Variants in MEGF11 observed in about 807,000 individuals in gnomAD.
MEGF11 encodes multiple epidermal growth factor-like domains protein 11.
Under a neutral mutation model 146.6 loss-of-function variants are expected in MEGF11, and 126 were observed. The ratio of observed to expected loss-of-function variants is 0.86; its 90% CI spans 0.74 to 1.00. MEGF11 has a LOEUF of 1.00. MEGF11 is among the 50% of genes least tolerant of loss of function. The pLI is 0.00. For missense variants in MEGF11, 1,509 were observed against 1,521.2 expected (o/e 0.99, Z 0.13); for synonymous variants, 532 against 583.4 (o/e 0.91, Z 1.27).
At chr15:66,182,347 G>A (rs2090572371) in intron 1 of MEGF11, among the ~76,000 whole-genome samples, 1 of 152,136 alleles carries the variant, frequency 6.6e-6, no homozygotes, top group African/African-American at 2.4e-5. Context: ...TTTGATCCTC[G>A]GGGCCCACAC....
At chr15:66,247,690 A>C (rs1261414160) in intron 1 of MEGF11, among the ~76,000 whole-genome samples, 1 of 152,182 alleles carries the variant, frequency 6.6e-6, no homozygotes, top group Non-Finnish European at 1.5e-5. Flanking sequence ...GCAGTGAGCT[A>C]TGATAGCAGC....
At chr15:65,989,399 C>G (rs536421669) in intron 5 of MEGF11, among the ~76,000 whole-genome samples, 1 of 152,324 alleles carries the variant, frequency 6.6e-6, no homozygotes, top group South Asian at 2.1e-4. Context: ...AATGGGAAGG[C>G]CTGATGCAGT....
chr15:65,993,949 C>T (rs890214363), intron 5 of MEGF11, among the ~76,000 whole-genome samples: 9 of 152,124 alleles, frequency 5.9e-5, no homozygotes, highest in African/African-American at 2.2e-4. Context: ...CAGGATCAGG[C>T]CAGATGACTG....
At chr15:66,048,033 C>T (rs1338283748) in intron 5 of MEGF11, among the ~76,000 whole-genome samples, 1 of 151,862 alleles carries the variant, frequency 6.6e-6, no homozygotes, top group African/African-American at 2.4e-5. Flanking sequence ...GCAACCTCTG[C>T]CTCCTGGGTT....
intron 1 of MEGF11, among the ~76,000 whole-genome samples, chr15:66,171,856 A>G (rs1281300076): frequency 1.3e-5 from 2 of 151,516 alleles, no homozygotes; most frequent in Non-Finnish European, 2.9e-5. Context: ...CTAATTGTCC[A>G]AAATTTCATT....
chr15:66,019,480 C>T (rs542374740), intron 5 of MEGF11, among the ~76,000 whole-genome samples: 1 of 152,348 alleles, frequency 6.6e-6, no homozygotes, highest in South Asian at 2.1e-4. Flanking sequence ...CCTCCTGCGG[C>T]TGCCTTGGTC....
chr15:65,967,625 G>A (rs1375820341), intron 8 of MEGF11, among the ~76,000 whole-genome samples: 1 of 152,108 alleles, frequency 6.6e-6, no homozygotes, highest in African/African-American at 2.4e-5. Context: ...TGGGGGATGA[G>A]AGCAGCCAGT....
At chr15:66,087,174 AC>A (rs1421191321) in intron 5 of MEGF11, among the ~76,000 whole-genome samples, 2 of 152,202 alleles carry the variant, frequency 1.3e-5, no homozygotes, top group Non-Finnish European at 2.9e-5. Flanking sequence ...AATTTATAAA[AC>A]AATTACTAAT....
chr15:66,200,785 G>T (rs1222847602), intron 1 of MEGF11, among the ~76,000 whole-genome samples: 1 of 152,168 alleles, frequency 6.6e-6, no homozygotes, highest in Admixed American at 6.5e-5. Flanking sequence ...GCAGAAGTGG[G>T]CCGGGTATGA....
At chr15:65,924,695 C>A (rs866678686) in intron 13 of MEGF11, among the ~76,000 whole-genome samples, 1 of 134,770 alleles carries the variant, frequency 7.4e-6, no homozygotes, top group Non-Finnish European at 1.5e-5. Flanking sequence ...GTGGTGTGAT[C>A]TTGGCTCATG....
At chr15:66,008,870 T>C (rs761919709) in intron 5 of MEGF11, among the ~76,000 whole-genome samples, 12 of 151,176 alleles carry the variant, frequency 7.9e-5, no homozygotes, top group Non-Finnish European at 1.5e-4. Context: ...ACTAGTTGCC[T>C]GGAATACCAG....
At chr15:65,926,633 C>G (rs1383634943) in intron 13 of MEGF11, among the ~76,000 whole-genome samples, 1 of 152,186 alleles carries the variant, frequency 6.6e-6, no homozygotes, top group African/African-American at 2.4e-5. Context: ...CCATCTCTGT[C>G]TCTCATTGGC....
In MEGF11 at chr15:65,909,057, C is replaced by T. The variant is rs569597358; in HGVS notation, c.2975G>A (p.Arg992His). The change falls in exon 23 of 26, where the codon CGC becomes CAC. Residue 992 changes from arginine to histidine, a missense_variant. Coordinates refer to ENST00000395614, the MANE Select transcript of MEGF11 (RefSeq NM_001385028.1). ...ACCTGGTGAGTGTGGCTCAGCGGGG[C>T]GGCTGAGGTGTCTAAGTTCAATGTA... ...DFYIELRHLS[R>H]PAEPHSPGAC... is the part of the protein sequence containing the mutation. The T allele has an allele frequency of 5.9e-5, 90 of 1,535,506 alleles. 1 individual carries two copies. The South Asian group carries it at 9.3e-4, about 16-fold the overall frequency.
At chr15:66,169,345 A>G (rs1224583149) in intron 1 of MEGF11, among the ~76,000 whole-genome samples, 1 of 152,178 alleles carries the variant, frequency 6.6e-6, no homozygotes, top group Non-Finnish European at 1.5e-5. Flanking sequence ...TCTGCCCAAC[A>G]AAAGCCCAGG....
chr15:66,056,088 C>T (rs1264657227), intron 5 of MEGF11, among the ~76,000 whole-genome samples: 5 of 152,060 alleles, frequency 3.3e-5, no homozygotes, highest in African/African-American at 1.2e-4. Flanking sequence ...CACATTTCAC[C>T]CCCTTCCCCA....
At chr15:65,970,760 C>G (rs1448937817) in intron 7 of MEGF11, 71 bp from the exon 8 acceptor site, 1 of 1,515,632 alleles carries the variant, frequency 6.6e-7, no homozygotes, top group Non-Finnish European at 8.9e-7. Context: ...AATGGCACAC[C>G]TGCTGTGGCT....
chr15:66,067,463 C>G (rs2085178873), intron 5 of MEGF11, among the ~76,000 whole-genome samples: 1 of 152,216 alleles, frequency 6.6e-6, no homozygotes, highest in African/African-American at 2.4e-5. Context: ...ACAGGACTTG[C>G]TGGAGGCCTT....
At chr15:65,948,191 C>T (rs2080266761) in intron 10 of MEGF11, among the ~76,000 whole-genome samples, 1 of 152,046 alleles carries the variant, frequency 6.6e-6, no homozygotes. Context: ...ACAGGAAGCT[C>T]ATGAGATGGA....
intron 1 of MEGF11, among the ~76,000 whole-genome samples, chr15:66,215,818 G>C (rs947128683): frequency 5.9e-5 from 9 of 152,218 alleles, no homozygotes; most frequent in African/African-American, 2.2e-4. Flanking sequence ...ACTGCACCCT[G>C]AGAGGAACTA....
Sources: allele counts gnomAD v4.1 joint callset (sites outside exome capture counted in the v4.1 genomes callset), GRCh38; gene constraint gnomAD v4.1.1; transcripts MANE v1.5; gene names NCBI Gene and HGNC (gene_info 2026-07-23, HGNC 2026-07-21).